SOAT1: variants seen among roughly 807,000 people sequenced by gnomAD.
The protein encoded by SOAT1 is acyl-coenzyme A:cholesterol acyltransferase 1.
A neutral mutation model predicts 69.5 loss-of-function variants in SOAT1; 55 were observed. That is an observed-to-expected ratio of 0.79 (90% confidence interval 0.64 to 0.99). The LOEUF (loss-of-function observed/expected upper bound fraction) is 0.99. Among genes scored for constraint, SOAT1 ranks in the 50% least tolerant of loss-of-function variants. SOAT1 has a pLI of 0.00. For synonymous variants in SOAT1, 231 were observed against 224.7 expected (o/e 1.03, Z -0.25); for missense variants, 580 against 669.3 (o/e 0.87, Z 1.47).
In SOAT1 at chr1:179,354,426, T is replaced by C. The variant is rs953113556; in HGVS notation, c.*785T>C. The C allele has an allele frequency of 1.3e-5, 2 of 152,298 alleles. No individual in the cohort carries two copies. Among genetic ancestry groups the C allele is most frequent in the Non-Finnish European group, 2.9e-5 (2 of 68,016 alleles). The allele number at this position is 152,298 out of a possible 1,614,324, so 9.4% of individuals were successfully genotyped here. ...TCTGAAGTAATTTGTAAAAAAGATTTGTAGAGTCAATCATGTGTTTAAATT... is the reference window on the plus strand; with the variant it reads ...TCTGAAGTAATTTGTAAAAAAGATTCGTAGAGTCAATCATGTGTTTAAATT... On this transcript the variant is annotated 3_prime_UTR_variant, in exon 16 of 16. Transcript: ENST00000367619.
At chr1:179,326,121 A>G (rs1665781838) in intron 3 of SOAT1, among the ~76,000 whole-genome samples, 1 of 152,152 alleles carries the variant, frequency 6.6e-6, no homozygotes, top group Non-Finnish European at 1.5e-5. Context: ...CACTTGATGG[A>G]CATCTGTGTC....
At chr1:179,328,162 C>T (rs1665852589) in intron 3 of SOAT1, among the ~76,000 whole-genome samples, 3 of 152,160 alleles carry the variant, frequency 2.0e-5, no homozygotes, top group Admixed American at 2.0e-4. Flanking sequence ...TCAAACTCCT[C>T]AGCTCAAGTA....
chr1:179,342,819 A>G, intron 8 of SOAT1, 43 bp from the exon 9 acceptor site: 1 of 1,458,150 alleles, frequency 6.9e-7, no homozygotes, highest in South Asian at 1.1e-5. Flanking sequence ...TTGCTGTGAA[A>G]AATCAAAGAG....
chr1:179,315,503 G>A (rs920560859), intron 2 of SOAT1, among the ~76,000 whole-genome samples: 2 of 151,942 alleles, frequency 1.3e-5, no homozygotes, highest in Non-Finnish European at 2.9e-5. Flanking sequence ...TAGCTTTTAG[G>A]CATTCTTTTG....
intron 15 of SOAT1, among the ~76,000 whole-genome samples, chr1:179,353,208 A>AATATATATATATAAATATATATAT (rs1666795082): frequency 1.2e-4 from 1 of 8,214 alleles, no homozygotes; most frequent in Non-Finnish European, 3.0e-4. Flanking sequence ...GTTATATATA[A>AATATATATATATAAATATATATAT]ATATATATAT....
chr1:179,342,182 G>C lies in SOAT1; in HGVS notation c.849G>C (p.Lys283Asn). Residue 283 changes from lysine to asparagine, a missense_variant, in exon 8 of 16, where the codon AAG (lysine) becomes AAC (asparagine). Physicochemically the swap from Lys to Asn is moderately conservative, Grantham distance 94 (BLOSUM62 0). Coordinates refer to ENST00000367619, the MANE Select transcript of SOAT1 (RefSeq NM_003101.6). ...ENVPRVLNSA[K>N]EKSSTVPIPT... The stretch of plus-strand genomic sequence containing the variant: ...TGCCTCGGGTACTAAATTCAGCTAA[G>C]GAGAAATCAAGTATGTAATTTCTTT... The C allele has an allele frequency of 6.2e-7, 1 of 1,611,724 alleles. No homozygotes were observed. The highest frequency in any genetic ancestry group is 8.5e-7 in the Non-Finnish European group (1 of 1,178,422).
chr1:179,326,732 A>C (rs1158471642), intron 3 of SOAT1, among the ~76,000 whole-genome samples: 1 of 151,656 alleles, frequency 6.6e-6, no homozygotes, highest in African/African-American at 2.4e-5. Flanking sequence ...TAATTTTTGT[A>C]TTTTTAGTAG....
chr1:179,337,258 AAAG>A (rs1253645912), intron 4 of SOAT1, among the ~76,000 whole-genome samples: 1 of 152,192 alleles, frequency 6.6e-6, no homozygotes, highest in Non-Finnish European at 1.5e-5. Context: ...GAAAAGCCCT[AAAG>A]AAGATAAGCA....
intron 2 of SOAT1, among the ~76,000 whole-genome samples, chr1:179,322,364 T>C (rs1665631691): frequency 6.6e-6 from 1 of 151,990 alleles, no homozygotes; most frequent in Non-Finnish European, 1.5e-5. Context: ...TTATGAAGTT[T>C]GACTATTCTC....
At chr1:179,352,459 C>T (rs544246624) in intron 15 of SOAT1, among the ~76,000 whole-genome samples, 7 of 147,446 alleles carry the variant, frequency 4.7e-5, no homozygotes, top group Admixed American at 2.8e-4. Flanking sequence ...GCATATAGGG[C>T]GTGTCCTATA....
chr1:179,348,032 G>A (rs571787358), intron 12 of SOAT1, among the ~76,000 whole-genome samples: 4 of 152,196 alleles, frequency 2.6e-5, no homozygotes, highest in Admixed American at 1.3e-4. Context: ...GAAATGGACC[G>A]TCTAGTTCTG....
chr1:179,324,661 G>A (rs1235404795), intron 3 of SOAT1, among the ~76,000 whole-genome samples: 1 of 152,206 alleles, frequency 6.6e-6, no homozygotes, highest in Non-Finnish European at 1.5e-5. Flanking sequence ...CATTTCTGAT[G>A]AATGTCTTTT....
chr1:179,349,774 T>C (rs903181468), intron 13 of SOAT1, among the ~76,000 whole-genome samples: 4 of 152,176 alleles, frequency 2.6e-5, no homozygotes, highest in Admixed American at 2.6e-4. Context: ...AACAGGTATC[T>C]AGATTACAGT....
intron 3 of SOAT1, among the ~76,000 whole-genome samples, chr1:179,329,857 G>T (rs902032744): frequency 6.6e-6 from 1 of 152,168 alleles, no homozygotes; most frequent in Non-Finnish European, 1.5e-5. Context: ...CTGTAATAGT[G>T]AACAAAATAA....
In SOAT1 at chr1:179,299,745, CTTTTTTTT is replaced by C. The variant is rs1162260815; in HGVS notation, c.-8-2913_-8-2906del. 6.1e-3 allele frequency among the ~76,000 whole-genome samples: 425 copies of C among 69,552 alleles called. 2 individuals carry two copies. The highest frequency in any genetic ancestry group is 0.023 in the African/African-American group (404 of 17,538). The allele number at this position is 69,552 out of a possible 152,430, so 45.6% of individuals were successfully genotyped here. A position where few individuals can be genotyped will look rare whatever the true frequency, so the allele number is the denominator to read the frequency against. On this transcript the variant is annotated intron_variant, in intron 1 of 15. Transcript: ENST00000367619. ...ATTTATTTTTTAATCATTTTGCTAT[CTTTTTTTT>C]TTTTTTTTTTTTTTTTTTGAGACGG...
At chr1:179,304,339 G>A (rs1192127104) in intron 2 of SOAT1, among the ~76,000 whole-genome samples, 2 of 149,654 alleles carry the variant, frequency 1.3e-5, no homozygotes, top group African/African-American at 4.9e-5. Context: ...GTGCAATGGT[G>A]CGATATTGGC....
In SOAT1 at chr1:179,339,555, C is replaced by T. The variant is rs368208309; in HGVS notation, c.497+10C>T. 1 of 1,555,644 alleles carries T rather than the reference C, an allele frequency of 6.4e-7. No individual in the cohort carries two copies. The highest frequency in any genetic ancestry group is 8.8e-7 in the Non-Finnish European group (1 of 1,138,228). ...ACATTGATGAAGGAAGGTAAGACAA[C>T]AAAAAAGATGGCTGGCTAGTTGATG... On this transcript the variant is annotated intron_variant, in intron 6 of 15. Transcript: ENST00000367619.
At chr1:179,300,848 C>A (rs575783320) in intron 1 of SOAT1, among the ~76,000 whole-genome samples, 1 of 152,110 alleles carries the variant, frequency 6.6e-6, no homozygotes, top group Admixed American at 6.6e-5. Context: ...GTAATCCCAG[C>A]ACTTTGGGAG....
At chr1:179,350,664 T>C (rs1326696635) in intron 14 of SOAT1, among the ~76,000 whole-genome samples, 1 of 152,194 alleles carries the variant, frequency 6.6e-6, no homozygotes, top group Non-Finnish European at 1.5e-5. Flanking sequence ...ATGAAGACCA[T>C]TGATAACACT....
Sources: gnomAD v4.1 joint callset for allele counts (sites outside exome capture counted in the v4.1 genomes callset) on GRCh38, gnomAD v4.1.1 for gene constraint, MANE v1.5 for transcripts, NCBI Gene and HGNC (gene_info 2026-07-23, HGNC 2026-07-21) for gene names.